Variants in MTPAP observed in about 807,000 individuals in gnomAD.
The protein encoded by MTPAP is poly(A) RNA polymerase, mitochondrial.
MTPAP carries 23 observed loss-of-function variants against 48.7 expected under a neutral mutation model. That is an observed-to-expected ratio of 0.47 (90% CI 0.34 to 0.67). The LOEUF (loss-of-function observed/expected upper bound fraction) is 0.67, where lower values mean the gene tolerates loss of function less well. Among genes scored for constraint, MTPAP ranks in the 30% least tolerant of loss-of-function variants. The pLI is 0.01. For synonymous variants in MTPAP, 257 were observed against 254.1 expected (o/e 1.01, Z -0.11); for missense variants, 614 against 694.3 (o/e 0.88, Z 1.30).
chr10:30,344,069 T>C (rs1834843156), intron 1 of MTPAP, among the ~76,000 whole-genome samples: 2 of 152,198 alleles, frequency 1.3e-5, no homozygotes, highest in African/African-American at 4.8e-5. Context: ...TTTTAAGTCT[T>C]ATTCTTTGGC....
chr10:30,317,358 T>C (rs1840675094), intron 6 of MTPAP, among the ~76,000 whole-genome samples: 1 of 152,208 alleles, frequency 6.6e-6, no homozygotes, highest in African/African-American at 2.4e-5. Context: ...AACTGAATGC[T>C]AACTAAAAAA....
intron 4 of MTPAP, among the ~76,000 whole-genome samples, chr10:30,334,541 G>A (rs1834706801): frequency 1.3e-5 from 2 of 151,988 alleles, no homozygotes; most frequent in African/African-American, 4.8e-5. Flanking sequence ...CGTGCCTGAA[G>A]TCCCAGCTAC....
Position 30,312,689 on chromosome 10 carries a change from C to T in MTPAP, c.*920G>A, listed in dbSNP as rs1257091552. 6.6e-6 allele frequency: 1 copy of T among 151,786 alleles called. No individual in the cohort carries two copies. Among genetic ancestry groups the T allele is most frequent in the East Asian group, 1.9e-4 (1 of 5,182 alleles). 9.4% of individuals were successfully genotyped at this position (151,786 alleles called of 1,614,324 possible). ...CGGGCTCCACAGGACTGAAGGAGTT[C>T]AGTGTGTGCAGATCTGGGTGTACGT... On this transcript the variant is annotated 3_prime_UTR_variant, in exon 9 of 9. Coordinates refer to ENST00000263063, the MANE Select transcript of MTPAP (RefSeq NM_018109.4).
At chr10:30,314,529 T>C (rs907389543) in intron 8 of MTPAP, among the ~76,000 whole-genome samples, 3 of 152,108 alleles carry the variant, frequency 2.0e-5, no homozygotes, top group African/African-American at 7.2e-5. Context: ...TTTAAAACAC[T>C]AAAAAGTTTC....
chr10:30,316,527 G>A (rs931583138), intron 6 of MTPAP, among the ~76,000 whole-genome samples: 2 of 151,194 alleles, frequency 1.3e-5, no homozygotes, highest in Non-Finnish European at 1.5e-5. Context: ...ACAGGCGTGA[G>A]CCACCGCACC....
intron 5 of MTPAP, among the ~76,000 whole-genome samples, chr10:30,323,012 C>A (rs988157312): frequency 2.7e-5 from 4 of 150,752 alleles, no homozygotes; most frequent in Non-Finnish European, 5.9e-5. Flanking sequence ...CCCCGTAATC[C>A]CAGCTACTCA....
At chr10:30,322,938 GACA>G (rs944843363) in intron 5 of MTPAP, among the ~76,000 whole-genome samples, 3 of 151,274 alleles carry the variant, frequency 2.0e-5, no homozygotes, top group African/African-American at 7.3e-5. Context: ...GGAGTTCAAG[GACA>G]ACGAGGTGAA....
rs1840659915 is a variant in MTPAP, at chr10:30,316,203, T to C, written c.1227A>G (p.Glu409=). 1 of 1,613,006 alleles carries C rather than the reference T, an allele frequency of 6.2e-7. No individual in the cohort carries two copies. Among genetic ancestry groups the C allele is most frequent in the Non-Finnish European group, 8.5e-7 (1 of 1,179,146 alleles). ...LDSLKTLADA[E]DKCVIEGNNC... ...TGTTGCCTTCTATTACACATTTATCTTCTGCATCTTAAACACAAACAAAAA... is the reference window on the plus strand; with the variant it reads ...TGTTGCCTTCTATTACACATTTATCCTCTGCATCTTAAACACAAACAAAAA... The change falls in exon 7 of 9, where the codon GAA becomes GAG. Residue 409 remains glutamate (E), a synonymous_variant. Coordinates refer to ENST00000263063, the MANE Select transcript of MTPAP (RefSeq NM_018109.4).
chr10:30,326,729 G>C lies in MTPAP; in HGVS notation c.781-94C>G, dbSNP rs542742762. ...AAAAGAATGCTCTAAATCACTGCTG[G>C]AAAGCAAAACAAAATAAGAAAAAAA... On this transcript the variant is annotated intron_variant, in intron 4 of 8. Coordinates refer to ENST00000263063, the MANE Select transcript of MTPAP (RefSeq NM_018109.4). The C allele has an allele frequency of 5.4e-6, 5 of 923,548 alleles. No individual in the cohort carries two copies. The Admixed American group carries it at 9.7e-5, about 18-fold the overall frequency. The allele number at this position is 923,548 out of a possible 1,614,324, so 57.2% of individuals were successfully genotyped here.
intron 3 of MTPAP, among the ~76,000 whole-genome samples, chr10:30,339,356 G>A (rs1206272602): frequency 6.6e-6 from 1 of 151,746 alleles, no homozygotes; most frequent in Non-Finnish European, 1.5e-5. Context: ...GTGTGGTGGT[G>A]CACACCTGTA....
chr10:30,317,617 T>TTA (rs1201735598), intron 6 of MTPAP, among the ~76,000 whole-genome samples: 1 of 152,200 alleles, frequency 6.6e-6, no homozygotes, highest in Non-Finnish European at 1.5e-5. Context: ...AATGGCTACT[T>TTA]CCTATCTGAA....
Position 30,327,914 on chromosome 10 carries a change from A to G in MTPAP, c.781-1279T>C, listed in dbSNP as rs185881990. ...ACTAAAATGTAAAAGGTGCATCAGT[A>G]AAGTACCAGAAGACAATGAGTGAAT... is the stretch of plus-strand genomic sequence containing the variant. On this transcript the variant is annotated intron_variant, in intron 4 of 8. Transcript: ENST00000263063. 7.9e-5 allele frequency among the ~76,000 whole-genome samples: 12 copies of G among 152,280 alleles called. 1 individual carries two copies. The highest frequency in any genetic ancestry group is 7.2e-4 in the Admixed American group (11 of 15,280).
chr10:30,348,996 G>A (rs1834902649), intron 1 of MTPAP, 123 bp downstream of exon 1: 5 of 1,439,892 alleles, frequency 3.5e-6, no homozygotes, highest in East Asian at 2.3e-5. Context: ...GGAGAGGACA[G>A]GACACAGCCC....
intron 4 of MTPAP, among the ~76,000 whole-genome samples, chr10:30,329,839 C>A (rs910448930): frequency 1.3e-5 from 2 of 151,958 alleles, no homozygotes; most frequent in South Asian, 4.2e-4. Flanking sequence ...TATGGTACAT[C>A]CATTCAATGG....
chr10:30,328,688 G>A (rs1204235000), intron 4 of MTPAP, among the ~76,000 whole-genome samples: 1 of 152,152 alleles, frequency 6.6e-6, no homozygotes, highest in Non-Finnish European at 1.5e-5. Context: ...AGCACTGTAG[G>A]AGTGTACCCC....
At position 30,349,243 on chromosome 10, in the gene MTPAP, A is replaced by G. The variant is rs753127037; in HGVS notation, c.33T>C (p.Arg11=). 53 of 1,556,698 alleles carry G rather than the reference A, an allele frequency of 3.4e-5. No individual in the cohort carries two copies. Among genetic ancestry groups the G allele is most frequent in the Non-Finnish European group, 3.9e-5 (45 of 1,145,296 alleles). Residue 11 remains arginine (R), a synonymous_variant, in exon 1 of 9, where the codon CGT becomes CGC. Coordinates refer to ENST00000263063, the MANE Select transcript of MTPAP (RefSeq NM_018109.4). MAVPGVGLLT[R]LNLCARRRTR... ...TTCTTCTCCGGGCACACAGGTTCAA[A>G]CGGGTCAAGAGCCCCACGCCGGGAA...
Position 30,309,965 on chromosome 10 carries a change from T to C in MTPAP, c.*3644A>G, listed in dbSNP as rs1385777750. Reference sequence around the variant, plus strand: ...TAAAGATGGATAATAGCTCCAGGAATTATACTAGTGGGCTATAGCTGAAAT... The same window carrying C: ...TAAAGATGGATAATAGCTCCAGGAACTATACTAGTGGGCTATAGCTGAAAT... On this transcript the variant is annotated 3_prime_UTR_variant, in exon 9 of 9. Transcript: ENST00000263063. The C allele has an allele frequency of 1.3e-5, 2 of 152,202 alleles. No homozygotes were observed. The highest frequency in any genetic ancestry group is 4.8e-5 in the African/African-American group (2 of 41,448). The allele number at this position is 152,202 out of a possible 1,614,324, so 9.4% of individuals were successfully genotyped here. A position where few individuals can be genotyped will look rare whatever the true frequency, so the allele number is the denominator to read the frequency against.
intron 4 of MTPAP, among the ~76,000 whole-genome samples, chr10:30,327,888 G>A (rs2132855458): frequency 6.7e-6 from 1 of 148,498 alleles, no homozygotes; most frequent in South Asian, 2.2e-4. Flanking sequence ...ATGGATCAAA[G>A]ACTAAAATGT....
chr10:30,335,282 G>C (rs1055809980), intron 4 of MTPAP, among the ~76,000 whole-genome samples: 5 of 152,130 alleles, frequency 3.3e-5, no homozygotes, highest in African/African-American at 7.2e-5. Flanking sequence ...GAGGTCAGGA[G>C]TTCAAGACCA....
Sources: gnomAD v4.1 joint callset for allele counts (sites outside exome capture counted in the v4.1 genomes callset) on GRCh38, gnomAD v4.1.1 for gene constraint, MANE v1.5 for transcripts, NCBI Gene and HGNC (gene_info 2026-07-23, HGNC 2026-07-21) for gene names.